Variants in RUNX1T1 observed in about 807,000 individuals in gnomAD.
RUNX1T1 encodes RUNX1 partner transcriptional co-repressor 1.
Under a neutral mutation model 62.8 loss-of-function variants are expected in RUNX1T1, and 4 were observed. The observed-to-expected ratio is 0.06, with a 90% confidence interval of 0.03 to 0.15. RUNX1T1 has a LOEUF of 0.15. Ranked by LOEUF, RUNX1T1 falls within the 10% of genes least tolerant of loss-of-function variation. The probability of loss-of-function intolerance (pLI) is 1.00; values close to 1 mark genes in which losing one functional copy is unlikely to be tolerated. For missense variants in RUNX1T1, 508 were observed against 754.3 expected, an observed-to-expected ratio of 0.67 and a Z score of 3.82; for synonymous variants, 291 against 286.0, an observed-to-expected ratio of 1.02 and a Z score of -0.18.
downstream of RUNX1T1, chr8:91,955,901 G>C (rs1407511350): frequency 4.4e-6 from 1 of 229,570 alleles, no homozygotes; most frequent in Admixed American, 5.7e-5. Context: ...ATATGTGTCA[G>C]AGGAGATAAC....
At chr8:91,991,551 T>TTTCAAA in intron 6 of RUNX1T1, 88 bp downstream of exon 7, 1 of 1,385,400 alleles carries the variant, frequency 7.2e-7, no homozygotes, top group Non-Finnish European at 9.9e-7. Context: ...CTATCACAGA[T>TTTCAAA]TTCAAGCCTC....
At chr8:92,079,277 A>G (rs1442769381) in intron 1 of RUNX1T1, among the ~76,000 whole-genome samples, 3 of 152,354 alleles carry the variant, frequency 2.0e-5, no homozygotes, top group African/African-American at 7.2e-5. Context: ...TTTTACATGA[A>G]CAAATGTACA....
intron 2 of RUNX1T1, among the ~76,000 whole-genome samples, chr8:92,075,489 A>G (rs1834286925): frequency 6.6e-6 from 1 of 152,256 alleles, no homozygotes; most frequent in Admixed American, 6.5e-5. Flanking sequence ...ACATTTGCCT[A>G]AAAGTTTTTT....
chr8:92,025,494 C>T (rs1212302788), intron 1 of RUNX1T1, among the ~76,000 whole-genome samples: 1 of 152,160 alleles, frequency 6.6e-6, no homozygotes, highest in South Asian at 2.1e-4. Context: ...TTCACCCCAT[C>T]ACCGCCTAAT....
At chr8:92,015,985 A>G (rs1239473998) in intron 2 of RUNX1T1, among the ~76,000 whole-genome samples, 5 of 152,138 alleles carry the variant, frequency 3.3e-5, no homozygotes, top group Admixed American at 2.0e-4. Context: ...CACATTTGGA[A>G]AGGTCTTTTA....
chr8:91,966,652 G>C (rs1485076189), intron 10 of RUNX1T1, among the ~76,000 whole-genome samples: 1 of 151,928 alleles, frequency 6.6e-6, no homozygotes, highest in African/African-American at 2.4e-5. Context: ...AAATAAATAT[G>C]GAGAAAATAA....
At chr8:92,023,033 A>G (rs763058963) in intron 1 of RUNX1T1, among the ~76,000 whole-genome samples, 21 of 152,186 alleles carry the variant, frequency 1.4e-4, no homozygotes, top group Non-Finnish European at 2.8e-4. Flanking sequence ...TCAGATTATC[A>G]CAGTTTCTTT....
intron 1 of RUNX1T1, among the ~76,000 whole-genome samples, chr8:92,042,097 A>C (rs1281994686): frequency 2.6e-5 from 4 of 151,754 alleles, no homozygotes; most frequent in African/African-American, 9.7e-5. Flanking sequence ...TGCTGGGATT[A>C]CAGGTGTGAT....
chr8:91,974,981 A>T (rs1813607096), intron 9 of RUNX1T1, among the ~76,000 whole-genome samples: 1 of 152,342 alleles, frequency 6.6e-6, no homozygotes, highest in Non-Finnish European at 1.5e-5. Context: ...GAAAAAAACA[A>T]AAAATCTGTC....
chr8:91,980,950 G>A (rs1322691319), intron 8 of RUNX1T1, among the ~76,000 whole-genome samples: 1 of 152,022 alleles, frequency 6.6e-6, no homozygotes, highest in African/African-American at 2.4e-5. Context: ...GGGATTATAG[G>A]CATGAGACAC....
chr8:91,960,482 G>C, exon 11 of RUNX1T1: 1 of 1,614,210 alleles, frequency 6.2e-7, no homozygotes, highest in Admixed American at 1.7e-5. Context: ...AGCCACTGCA[G>C]GTTTCACTCG....
chr8:92,023,815 T>C (rs1248708459), intron 1 of RUNX1T1, among the ~76,000 whole-genome samples: 1 of 152,182 alleles, frequency 6.6e-6, no homozygotes, highest in Non-Finnish European at 1.5e-5. Context: ...GGAACTACCA[T>C]GTTCTTTCAT....
Position 92,058,274 on chromosome 8 carries a change from T to G in RUNX1T1, c.7+4272A>C, listed in dbSNP as rs546326351. ...AACTTTCCTCATTACAGTAACTTTC[T>G]GTTGTCGTAGCCTTACATTTTTGGT... On this transcript the variant is annotated intron_variant, in intron 1 of 10. Transcript: ENST00000396218. Among the ~76,000 whole-genome samples the G allele has an allele frequency of 2.0e-5, 3 of 152,352 alleles. No homozygotes were observed. The East Asian group carries it at 5.8e-4, about 29-fold the overall frequency.
chr8:92,040,858 T>A (rs1283702799), intron 1 of RUNX1T1, among the ~76,000 whole-genome samples: 2 of 152,042 alleles, frequency 1.3e-5, no homozygotes, highest in Admixed American at 6.5e-5. Flanking sequence ...TGAGATATGA[T>A]CAAAAAAAAT....
intron 4 of RUNX1T1, among the ~76,000 whole-genome samples, chr8:92,008,313 C>T (rs1821222195): frequency 6.6e-6 from 1 of 151,140 alleles, no homozygotes; most frequent in Non-Finnish European, 1.5e-5. Context: ...CTTGACTTTA[C>T]TAATACTGTC....
chr8:92,085,121 A>G (rs1463195512), intron 1 of RUNX1T1, among the ~76,000 whole-genome samples: 1 of 152,204 alleles, frequency 6.6e-6, no homozygotes, highest in Non-Finnish European at 1.5e-5. Flanking sequence ...AAGGGTAGCT[A>G]AAGGAGATAA....
chr8:91,969,927 T>C (rs894366685), intron 10 of RUNX1T1, among the ~76,000 whole-genome samples: 6 of 152,170 alleles, frequency 3.9e-5, no homozygotes, highest in Non-Finnish European at 2.9e-5. Flanking sequence ...AGCATTACTA[T>C]TCTGCTGATT....
intron 1 of RUNX1T1, among the ~76,000 whole-genome samples, chr8:92,077,839 G>A (rs1014547873): frequency 6.6e-6 from 1 of 151,972 alleles, no homozygotes; most frequent in African/African-American, 2.4e-5. Context: ...ACCAATGTCT[G>A]GGTTTAACAA....
intron 8 of RUNX1T1, among the ~76,000 whole-genome samples, chr8:91,982,988 C>T (rs902182217): frequency 3.1e-5 from 4 of 127,066 alleles, no homozygotes; most frequent in South Asian, 2.5e-4. Flanking sequence ...AGTGCAATGG[C>T]GTGATCTCGG....
Sources: gnomAD v4.1 joint callset for allele counts (sites outside exome capture counted in the v4.1 genomes callset) on GRCh38, gnomAD v4.1.1 for gene constraint, MANE v1.5 for transcripts, NCBI Gene and HGNC (gene_info 2026-07-23, HGNC 2026-07-21) for gene names.